MYO7A: variants seen among roughly 807,000 people sequenced by gnomAD.
The protein encoded by MYO7A is unconventional myosin-VIIa.
A neutral mutation model predicts 263.8 loss-of-function variants in MYO7A; 210 were observed. That is an observed-to-expected ratio of 0.80 (90% CI 0.71 to 0.89). The LOEUF (loss-of-function observed/expected upper bound fraction) is 0.89, where lower values mean the gene tolerates loss of function less well. Among genes scored for constraint, MYO7A ranks in the 40% least tolerant of loss-of-function variants. The pLI, the probability that MYO7A is intolerant of heterozygous loss-of-function variation, is 0.00. For missense variants in MYO7A, 2,820 were observed against 2,968.3 expected (o/e 0.95, Z 1.16); for synonymous variants, 1,239 against 1,197.3 (o/e 1.03, Z -0.72).
intron 27 of MYO7A, among the ~76,000 whole-genome samples, chr11:77,187,822 C>G (rs1955754365): frequency 6.6e-6 from 1 of 152,176 alleles, no homozygotes; most frequent in African/African-American, 2.4e-5. Flanking sequence ...GGACCAAGCC[C>G]CACTTTCCTG....
At chr11:77,166,452 C>A (rs1339869736) in intron 15 of MYO7A, among the ~76,000 whole-genome samples, 2 of 152,168 alleles carry the variant, frequency 1.3e-5, no homozygotes, top group Non-Finnish European at 2.9e-5. Flanking sequence ...GGTTCACCCC[C>A]TGGAATCCAG....
At chr11:77,179,656 G>T in intron 20 of MYO7A, 79 bp from the exon 21 acceptor site, 1 of 1,332,852 alleles carries the variant, frequency 7.5e-7, no homozygotes. Flanking sequence ...GTGGAGGCCG[G>T]TGCCATGGAA....
rs376016858 is a variant in MYO7A at position 77,156,030 on chromosome 11, A to G, written c.409A>G (p.Ile137Val). The change falls in exon 5 of 49, where the codon ATT becomes GTT. Residue 137 changes from isoleucine to valine, a missense_variant. Ile to Val is a conservative substitution (Grantham distance 29, BLOSUM62 3). Transcript: ENST00000409709. ...GGAGATGCCCCCCCACATCTTTGCC[A>G]TTGCTGACAACTGCTACTTCAACAT... ...IGEMPPHIFA[I>V]ADNCYFNMKR... 3.1e-6 allele frequency: 5 copies of G among 1,613,838 alleles called. No homozygotes were observed. The highest frequency in any genetic ancestry group is 2.2e-5 in the South Asian group (2 of 91,062).
Position 77,206,163 on chromosome 11 carries a change from G to T in MYO7A, c.5703G>T (p.Gln1901His). ...AGGCCATCCAGCACAAGACCACCCA[G>T]ATTTTCCACAAAGTCTACTTCCCTG... ...EVEAIQHKTT[Q>H]IFHKVYFPDD... Residue 1901 changes from glutamine to histidine, a missense_variant, in exon 41 of 49, where the codon CAG becomes CAT. By Grantham distance (24) the Gln-to-His change is conservative. Transcript: ENST00000409709. 6.2e-7 allele frequency: 1 copy of T among 1,613,518 alleles called. No individual in the cohort carries two copies. The highest frequency in any genetic ancestry group is 8.5e-7 in the Non-Finnish European group (1 of 1,179,722).
rs778449478 is a variant in MYO7A, at chr11:77,198,608, G to A, written c.4555G>A (p.Val1519Met). The A allele has an allele frequency of 2.7e-5, 43 of 1,613,666 alleles. No homozygotes were observed. The highest frequency in any genetic ancestry group is 1.5e-4 in the African/African-American group (11 of 74,936). Residue 1519 changes from valine to methionine, a missense_variant, in exon 34 of 49, where the codon GTG (valine) becomes ATG (methionine). Coordinates refer to ENST00000409709, the MANE Select transcript of MYO7A (RefSeq NM_000260.4). ...LELSFPEIMA[V>M]SSSRECRVWL... ...GCTGTCCTTCCCAGAGATCATGGCC[G>A]TGTCCAGCAGCAGGTGAGGAGGCCC...
chr11:77,166,086 A>T lies in MYO7A; in HGVS notation c.1721A>T (p.His574Leu). 6 of 1,613,870 alleles carry T rather than the reference A, an allele frequency of 3.7e-6. No individual in the cohort carries two copies. The Admixed American group carries it at 8.3e-5, about 22-fold the overall frequency. ...CTGGAGAAGAACCGAGACACCCTGC[A>T]TGGGGACATTATCCAGCTGGTCCAC... ...GFLEKNRDTL[H>L]GDIIQLVHSS... The change falls in exon 15 of 49, where the codon CAT (histidine) becomes CTT (leucine). Residue 574 changes from histidine to leucine, a missense_variant. Coordinates refer to ENST00000409709, the MANE Select transcript of MYO7A (RefSeq NM_000260.4).
intron 33 of MYO7A, 55 bp from the exon 34 acceptor site, chr11:77,198,440 A>G: frequency 6.3e-7 from 1 of 1,594,274 alleles, no homozygotes; most frequent in Non-Finnish European, 8.6e-7. Context: ...GAGATTGAGA[A>G]GGGCTGGGCC....
intron 4 of MYO7A, among the ~76,000 whole-genome samples, chr11:77,154,851 G>T (rs1952296419): frequency 6.6e-6 from 1 of 152,044 alleles, no homozygotes; most frequent in African/African-American, 2.4e-5. Flanking sequence ...GCCCCACCTG[G>T]CCCCAGGGTG....
intron 36 of MYO7A, 148 bp downstream of exon 36, chr11:77,201,786 AG>A: frequency 1.2e-6 from 1 of 836,874 alleles, no homozygotes; most frequent in Non-Finnish European, 1.7e-6. Flanking sequence ...AAGTTGGGGC[AG>A]TGCTCAAACC....
At chr11:77,180,515 C>T in intron 22 of MYO7A, 34 bp downstream of exon 22, 2 of 1,575,536 alleles carry the variant, frequency 1.3e-6, no homozygotes, top group East Asian at 2.3e-5. Flanking sequence ...CTTAGGTGTC[C>T]ACTTGCTGGC....
Position 77,205,632 on chromosome 11 carries a change from AG to A in MYO7A, c.5636+19del. 6.2e-7 allele frequency: 1 copy of A among 1,612,752 alleles called. No homozygotes were observed. The highest frequency in any genetic ancestry group is 8.5e-7 in the Non-Finnish European group (1 of 1,179,718). On this transcript the variant is annotated intron_variant, in intron 40 of 48. Transcript: ENST00000409709. ...AAAGCCCTGAGGTACAGCGGCCACC[AG>A]GGGCAGGGACAGACACTGGGGCGGG...
In MYO7A at chr11:77,207,691, A is replaced by G. The variant is rs113395929; in HGVS notation, c.5856+289A>G. On this transcript the variant is annotated intron_variant, in intron 42 of 48. Coordinates refer to ENST00000409709, the MANE Select transcript of MYO7A (RefSeq NM_000260.4). Reference sequence around the variant, plus strand: ...CTGCCCCAACACACATGTTCTTTCCATATTTGCTTTGACTGGCCCTTAATT... The same window carrying G: ...CTGCCCCAACACACATGTTCTTTCCGTATTTGCTTTGACTGGCCCTTAATT... Among the ~76,000 whole-genome samples the G allele has an allele frequency of 7.7e-3, 1,180 of 152,282 alleles. 14 individuals are homozygous for G. The highest frequency in any genetic ancestry group is 0.026 in the African/African-American group (1,072 of 41,558).
intron 23 of MYO7A, 111 bp from the exon 24 acceptor site, chr11:77,181,834 GAGTGCA>G: frequency 1.2e-6 from 1 of 838,608 alleles, no homozygotes; most frequent in Non-Finnish European, 1.9e-6. Flanking sequence ...GCTCAGGCTG[GAGTGCA>G]GTAGCGTGAT....
intron 47 of MYO7A, among the ~76,000 whole-genome samples, chr11:77,213,580 C>T (rs1285554760): frequency 6.6e-6 from 1 of 152,126 alleles, no homozygotes; most frequent in South Asian, 2.1e-4. Context: ...CAAACTCTCC[C>T]TGGACCATCT....
intron 36 of MYO7A, 139 bp from the exon 37 acceptor site, chr11:77,202,160 GC>G: frequency 9.0e-7 from 1 of 1,111,886 alleles, no homozygotes; most frequent in South Asian, 1.9e-5. Context: ...GAGGAACGGG[GC>G]TCCCAGGGTC....
In MYO7A at chr11:77,156,068, C is replaced by G; in HGVS notation, c.447C>G (p.Ser149Arg). The G allele has an allele frequency of 6.2e-7, 1 of 1,613,868 alleles. No individual in the cohort carries two copies. The highest frequency in any genetic ancestry group is 8.5e-7 in the Non-Finnish European group (1 of 1,179,894). Residue 149 changes from serine (S) to arginine (R), a missense_variant, in exon 5 of 49, where the codon AGC (serine) becomes AGG (arginine). Coordinates refer to ENST00000409709, the MANE Select transcript of MYO7A (RefSeq NM_000260.4). ...DNCYFNMKRN[S>R]RDQCCIISGE... ...GCTACTTCAACATGAAACGCAACAG[C>G]CGAGACCAGTGCTGCATCATCAGGT...
chr11:77,164,106 G>A (rs1224894286), intron 14 of MYO7A, among the ~76,000 whole-genome samples: 6 of 152,160 alleles, frequency 3.9e-5, no homozygotes, highest in African/African-American at 7.2e-5. Context: ...TTTGAAGACC[G>A]TGCATCTTCT....
chr11:77,152,772 C>A (rs561954600), intron 4 of MYO7A, among the ~76,000 whole-genome samples: 2 of 151,958 alleles, frequency 1.3e-5, no homozygotes, highest in East Asian at 3.9e-4. Context: ...CTGAAGGAGA[C>A]CTGTGGGTAT....
At position 77,138,087 on chromosome 11, in the gene MYO7A, C is replaced by T. The variant is rs1352260018; in HGVS notation, c.19-4622C>T. 1.3e-5 allele frequency among the ~76,000 whole-genome samples: 2 copies of T among 152,078 alleles called. No homozygotes were observed. The highest frequency in any genetic ancestry group is 2.9e-5 in the Non-Finnish European group (2 of 67,994). ...ACCGCCGCGGTGCCAGTGAAGCCGC[C>T]TGGGATTCCGGGCAAAGTGGGGCTG... is the stretch of plus-strand genomic sequence containing the variant. On this transcript the variant is annotated intron_variant, in intron 2 of 48. Transcript: ENST00000409709. This position sits in a 1 kb window ranked among gnomAD's most constrained non-coding sequence, Gnocchi z 4.9.
Sources: gnomAD v4.1 joint callset for allele counts (sites outside exome capture counted in the v4.1 genomes callset) on GRCh38, gnomAD v4.1.1 for gene constraint, Gnocchi (gnomAD v3.1) non-coding constraint, MANE v1.5 for transcripts, NCBI Gene and HGNC (gene_info 2026-07-23, HGNC 2026-07-21) for gene names.